MSTO1: variants seen among roughly 807,000 people sequenced by gnomAD.
The protein encoded by MSTO1 is misato mitochondrial distribution and morphology regulator 1.
In MSTO1, 24 loss-of-function variants were observed where a neutral mutation model predicts 55.7. The observed-to-expected ratio is 0.43, with a 90% confidence interval of 0.31 to 0.61. MSTO1 has a LOEUF of 0.61. Ranked by LOEUF, MSTO1 falls within the 20% of genes least tolerant of loss-of-function variation. The pLI is 0.09. For synonymous variants in MSTO1, 162 were observed against 252.8 expected (o/e 0.64, Z 3.41); for missense variants, 363 against 625.7 (o/e 0.58, Z 4.48).
At chr1:155,600,953 G>A in the MSTO1 span, among the ~76,000 whole-genome samples, 1 of 150,384 alleles carries the variant, frequency 6.6e-6, no homozygotes, top group Non-Finnish European at 1.5e-5. Context: ...TGGGATTACA[G>A]GTGTGAGCCA....
At chr1:155,581,845 G>A in the MSTO1 span, among the ~76,000 whole-genome samples, 1 of 151,364 alleles carries the variant, frequency 6.6e-6, no homozygotes, top group African/African-American at 2.4e-5. Context: ...CCAGGCTGGA[G>A]TGCAGTGGCG....
chr1:155,574,176 G>C, the MSTO1 span, among the ~76,000 whole-genome samples: 1 of 152,084 alleles, frequency 6.6e-6, no homozygotes, highest in African/African-American at 2.4e-5. Context: ...TGGACAACAT[G>C]GTGAAACCCC....
At chr1:155,563,426 G>A in the MSTO1 span, 2 of 456,612 alleles carry the variant, frequency 4.4e-6, no homozygotes, top group Non-Finnish European at 8.8e-6. Flanking sequence ...TAGGACCGGC[G>A]CGCCTCCGGG....
At chr1:155,577,954 A>T in the MSTO1 span, among the ~76,000 whole-genome samples, 1 of 152,158 alleles carries the variant, frequency 6.6e-6, no homozygotes, top group African/African-American at 2.4e-5. Flanking sequence ...CCTGTTGCCC[A>T]GGCTGGTATC....
chr1:155,603,036 G>T, the MSTO1 span, among the ~76,000 whole-genome samples: 2 of 151,992 alleles, frequency 1.3e-5, no homozygotes, highest in African/African-American at 4.8e-5. Context: ...CCTTATGTAT[G>T]TTTTTTCAAG....
upstream of MSTO1, among the ~76,000 whole-genome samples, chr1:155,608,446 G>T (rs1184497725): frequency 1.3e-5 from 2 of 151,564 alleles, no homozygotes; most frequent in Non-Finnish European, 2.9e-5. Flanking sequence ...TCACCAAAAC[G>T]TGGGAATACA....
At chr1:155,613,282 T>C (rs1256984677) in intron 11 of MSTO1, 49 bp downstream of exon 11, 31 of 1,594,836 alleles carry the variant, frequency 1.9e-5, no homozygotes, top group Non-Finnish European at 2.6e-5. Context: ...TTGTCTCATA[T>C]CCATCTTCCC....
chr1:155,569,797 G>C, the MSTO1 span, among the ~76,000 whole-genome samples: 1 of 152,032 alleles, frequency 6.6e-6, no homozygotes, highest in Admixed American at 6.6e-5. Flanking sequence ...TTTGGGAACA[G>C]AAATGTTGTG....
the MSTO1 span, chr1:155,591,259 C>T: frequency 6.2e-7 from 1 of 1,600,508 alleles, no homozygotes; most frequent in South Asian, 1.1e-5. Context: ...CTGGCAGAGG[C>T]CATGGTGAGA....
the MSTO1 span, among the ~76,000 whole-genome samples, chr1:155,592,854 A>G: frequency 6.6e-6 from 1 of 151,156 alleles, no homozygotes; most frequent in Non-Finnish European, 1.5e-5. Flanking sequence ...GCTTACAGTT[A>G]CTTTATATTA....
the MSTO1 span, among the ~76,000 whole-genome samples, chr1:155,566,804 G>A: frequency 2.0e-5 from 3 of 151,586 alleles, no homozygotes; most frequent in South Asian, 4.2e-4. Context: ...TAGTAGAGAT[G>A]GGGTTTCTCC....
chr1:155,585,290 A>G, the MSTO1 span, among the ~76,000 whole-genome samples: 1,748 of 152,258 alleles, frequency 0.011, 37 homozygotes, highest in African/African-American at 0.04. Context: ...TTGGGAGGCC[A>G]AGGCGGGCGG....
chr1:155,605,203 G>C, the MSTO1 span, among the ~76,000 whole-genome samples: 1 of 151,818 alleles, frequency 6.6e-6, no homozygotes, highest in Non-Finnish European at 1.5e-5. Context: ...GGAGGTTGCA[G>C]TGAGCTGAGA....
the MSTO1 span, among the ~76,000 whole-genome samples, chr1:155,582,460 T>TTTTG: frequency 3.3e-5 from 5 of 152,038 alleles, no homozygotes; most frequent in African/African-American, 9.7e-5. Context: ...CTTATAGATT[T>TTTTG]TTTGTTTGTT....
upstream of MSTO1, among the ~76,000 whole-genome samples, chr1:155,606,278 C>T (rs369622077): frequency 4.4e-5 from 6 of 135,598 alleles, no homozygotes; most frequent in East Asian, 2.3e-4. Flanking sequence ...AGGCTGGTCT[C>T]GAACTCCTGG....
the MSTO1 span, among the ~76,000 whole-genome samples, chr1:155,598,375 A>G: frequency 6.6e-6 from 1 of 152,124 alleles, no homozygotes; most frequent in Non-Finnish European, 1.5e-5. Flanking sequence ...TCGGCCTCAC[A>G]AAGTGCTAGA....
upstream of MSTO1, among the ~76,000 whole-genome samples, chr1:155,608,642 GGTCGCGCCC>G (rs1428410311): frequency 6.6e-6 from 1 of 151,346 alleles, no homozygotes; most frequent in African/African-American, 2.4e-5. Context: ...TGGGACTACA[GGTCGCGCCC>G]GTCACCACGC....
Position 155,614,807 on chromosome 1 carries a change from C to G in MSTO1, c.*534C>G. 1 of 1,576,308 alleles carries G rather than the reference C, an allele frequency of 6.3e-7. No homozygotes were observed. The highest frequency in any genetic ancestry group is 8.6e-7 in the Non-Finnish European group (1 of 1,157,478). On this transcript the variant is annotated 3_prime_UTR_variant, in exon 14 of 14. Transcript: ENST00000245564. Reference sequence around the variant, plus strand: ...CTGGTACTGGTTGCATCATCCTCATCCTCAGAGCTGGCTTCACAGGCAGTG... The same window carrying G: ...CTGGTACTGGTTGCATCATCCTCATGCTCAGAGCTGGCTTCACAGGCAGTG...
chr1:155,579,342 C>A, the MSTO1 span, among the ~76,000 whole-genome samples: 6 of 151,540 alleles, frequency 4.0e-5, no homozygotes, highest in Non-Finnish European at 8.8e-5. Context: ...AACAAACAAA[C>A]AAACAAACAA....
Sources: allele counts gnomAD v4.1 joint callset (sites outside exome capture counted in the v4.1 genomes callset), GRCh38; gene constraint gnomAD v4.1.1; transcripts MANE v1.5; gene names NCBI Gene and HGNC (gene_info 2026-07-23, HGNC 2026-07-21).